RIN2: variants seen among roughly 807,000 people sequenced by gnomAD.
The protein encoded by RIN2 is Ras and Rab interactor 2, also known as RAB5 interacting protein 2.
In RIN2, 36 loss-of-function variants were observed where a neutral mutation model predicts 78.0. The ratio of observed to expected loss-of-function variants is 0.46; its 90% confidence interval spans 0.35 to 0.61. The LOEUF (loss-of-function observed/expected upper bound fraction) is 0.61, where lower values mean the gene tolerates loss of function less well. Among genes scored for constraint, RIN2 ranks in the 20% least tolerant of loss-of-function variants. The pLI is 0.00. For missense variants in RIN2, 1,087 were observed against 1,159.7 expected, an observed-to-expected ratio of 0.94 and a Z score of 0.91; for synonymous variants, 466 against 466.8, an observed-to-expected ratio of 1.00 and a Z score of 0.02.
chr20:19,969,891 G>A (rs967860545), intron 7 of RIN2, among the ~76,000 whole-genome samples: 1 of 151,180 alleles, frequency 6.6e-6, no homozygotes, highest in Non-Finnish European at 1.5e-5. Flanking sequence ...GCCCTGTGGG[G>A]AATTCACCAG....
chr20:19,835,057 GAAAGAGAA>G (rs1382566580), intron 2 of RIN2, among the ~76,000 whole-genome samples: 1 of 148,552 alleles, frequency 6.7e-6, no homozygotes, highest in African/African-American at 2.5e-5. Flanking sequence ...AAGACAGAAA[GAAAGAGAA>G]AAAGAGAAAG....
chr20:19,881,604 C>A (rs2145552), intron 2 of RIN2, among the ~76,000 whole-genome samples: 104,653 of 151,996 alleles, frequency 0.69, 36,184 homozygotes, highest in Non-Finnish European at 0.73. Flanking sequence ...AGACAGAGCC[C>A]CTCACAGAGT....
chr20:19,829,176 G>C (rs2036180695), intron 2 of RIN2, among the ~76,000 whole-genome samples: 1 of 152,034 alleles, frequency 6.6e-6, no homozygotes, highest in African/African-American at 2.4e-5. Context: ...CTGATTGATT[G>C]GGTTCTTGAA....
chr20:19,879,122 T>C (rs949785308), intron 2 of RIN2, among the ~76,000 whole-genome samples: 2 of 152,240 alleles, frequency 1.3e-5, no homozygotes, highest in African/African-American at 4.8e-5. Context: ...AAATATCCTA[T>C]GTCCTTGTCA....
chr20:19,898,153 A>G (rs2038820574), intron 3 of RIN2, among the ~76,000 whole-genome samples: 1 of 152,138 alleles, frequency 6.6e-6, no homozygotes, highest in South Asian at 2.1e-4. Context: ...TCATATTTTC[A>G]AAAAGCAATG....
intron 1 of RIN2, among the ~76,000 whole-genome samples, chr20:19,798,984 C>T (rs928142601): frequency 5.9e-5 from 9 of 152,018 alleles, no homozygotes; most frequent in African/African-American, 2.2e-4. Context: ...ACTGCAACTT[C>T]GGCCTCCTAG....
intron 3 of RIN2, among the ~76,000 whole-genome samples, chr20:19,916,578 G>A (rs775343102): frequency 4.5e-4 from 68 of 152,200 alleles, no homozygotes; most frequent in Non-Finnish European, 4.7e-4. Flanking sequence ...TCCAGCCTGG[G>A]CGACAGAGTG....
At chr20:19,785,040 A>G (rs73291553) in intron 1 of RIN2, among the ~76,000 whole-genome samples, 14,903 of 152,202 alleles carry the variant, frequency 0.098, 752 homozygotes, top group African/African-American at 0.13. Context: ...TAAGCACAAT[A>G]AAGAAATTAC....
chr20:19,824,654 A>C (rs2036030764), intron 2 of RIN2, among the ~76,000 whole-genome samples: 1 of 152,176 alleles, frequency 6.6e-6, no homozygotes, highest in African/African-American at 2.4e-5. Flanking sequence ...TGGACTGTGT[A>C]ACCATTGCAG....
chr20:19,840,378 G>A (rs773680823), intron 2 of RIN2, among the ~76,000 whole-genome samples: 1 of 152,204 alleles, frequency 6.6e-6, no homozygotes, highest in Non-Finnish European at 1.5e-5. Flanking sequence ...ATCCTTACAA[G>A]GTGCCTGATT....
chr20:19,782,328 G>A (rs1398341795), intron 1 of RIN2, among the ~76,000 whole-genome samples: 3 of 152,186 alleles, frequency 2.0e-5, no homozygotes, highest in Admixed American at 1.3e-4. Context: ...ACTTTGGGAG[G>A]CTGAGGTGGG....
chr20:19,930,274 A>G (rs939606854), intron 3 of RIN2, among the ~76,000 whole-genome samples: 4 of 152,170 alleles, frequency 2.6e-5, no homozygotes, highest in African/African-American at 7.2e-5. Context: ...CACTAGAGAT[A>G]GGTGGCATGG....
At position 19,956,477 on chromosome 20, in the gene RIN2, A is replaced by G; in HGVS notation, c.159-138A>G. 4.2e-6 allele frequency: 3 copies of G among 707,282 alleles called. No homozygotes were observed. The South Asian group carries it at 5.2e-5, about 12-fold the overall frequency. 43.8% of individuals were successfully genotyped at this position (707,282 alleles called of 1,614,324 possible). On this transcript the variant is annotated intron_variant, in intron 4 of 12. Transcript: ENST00000255006. Reference sequence around the variant, plus strand: ...GCCCTCAGAAAGCTTTCAGTCTGGAAGAGAAGATGATTAAGGGGGCGATCA... The same window carrying G: ...GCCCTCAGAAAGCTTTCAGTCTGGAGGAGAAGATGATTAAGGGGGCGATCA...
At chr20:19,980,148 T>C (rs148479334) in intron 9 of RIN2, among the ~76,000 whole-genome samples, 38 of 151,952 alleles carry the variant, frequency 2.5e-4, no homozygotes, top group African/African-American at 9.2e-4. Context: ...TCTGATCTAG[T>C]ACATGTGACC....
At chr20:19,898,657 T>C (rs1321636879) in intron 3 of RIN2, among the ~76,000 whole-genome samples, 5 of 152,232 alleles carry the variant, frequency 3.3e-5, no homozygotes, top group Non-Finnish European at 1.5e-5. Context: ...TCTCCCTTTT[T>C]ACAGAACAGA....
rs75460179 is a variant in RIN2 at position 19,950,202 on chromosome 20, T to A, written c.159-6413T>A. Among the ~76,000 whole-genome samples, 447 of 152,220 alleles carry A rather than the reference T, an allele frequency of 2.9e-3. 3 individuals carry two copies. The highest frequency in any genetic ancestry group is 0.01 in the African/African-American group (430 of 41,524). The stretch of plus-strand genomic sequence containing the variant: ...ATGGGTGGAGGCTGTGACTTTTGGG[T>A]GAGTGTTTGTTCTCTGCCCCTAGAG... On this transcript the variant is annotated intron_variant, in intron 4 of 12. Coordinates refer to ENST00000255006, the MANE Select transcript of RIN2 (RefSeq NM_018993.4).
At chr20:19,878,551 A>G (rs895333709) in intron 2 of RIN2, among the ~76,000 whole-genome samples, 2 of 152,222 alleles carry the variant, frequency 1.3e-5, no homozygotes, top group African/African-American at 2.4e-5. Flanking sequence ...TTGTCGTGGT[A>G]GGAGAATAGA....
At chr20:19,916,533 C>T (rs376825547) in intron 3 of RIN2, among the ~76,000 whole-genome samples, 32 of 152,292 alleles carry the variant, frequency 2.1e-4, no homozygotes, top group African/African-American at 7.5e-4. Context: ...TTGAGAGGAT[C>T]GCTTTAGCCT....
intron 3 of RIN2, among the ~76,000 whole-genome samples, chr20:19,926,636 G>A (rs533014784): frequency 5.9e-5 from 9 of 152,190 alleles, no homozygotes; most frequent in African/African-American, 9.6e-5. Context: ...ATCTGATACC[G>A]CAGAGCTGAT....
Sources: allele counts gnomAD v4.1 joint callset (sites outside exome capture counted in the v4.1 genomes callset), GRCh38; gene constraint gnomAD v4.1.1; transcripts MANE v1.5; gene names NCBI Gene and HGNC (gene_info 2026-07-23, HGNC 2026-07-21).